GRIK1: variants seen among roughly 807,000 people sequenced by gnomAD.
GRIK1 encodes the protein glutamate receptor ionotropic, kainate 1.
In GRIK1, 69 loss-of-function variants were observed where a neutral mutation model predicts 105.7. That is an observed-to-expected ratio of 0.65 (90% CI 0.54 to 0.80). The LOEUF (loss-of-function observed/expected upper bound fraction) is 0.80. GRIK1 is among the 30% of genes least tolerant of loss of function. The pLI is 0.00. For missense variants in GRIK1, 1,109 were observed against 1,167.3 expected (o/e 0.95, Z 0.73); for synonymous variants, 438 against 431.3 (o/e 1.02, Z -0.19).
At chr21:29,911,361 G>A (rs2070809564) in intron 1 of GRIK1, among the ~76,000 whole-genome samples, 1 of 151,980 alleles carries the variant, frequency 6.6e-6, no homozygotes, top group South Asian at 2.1e-4. Context: ...AAATGGTACT[G>A]CGATGAATCA....
intron 1 of GRIK1, among the ~76,000 whole-genome samples, chr21:29,738,092 C>T (rs1353631914): frequency 1.3e-5 from 2 of 152,228 alleles, no homozygotes; most frequent in African/African-American, 2.4e-5. Flanking sequence ...TCTACAAAGG[C>T]AGGTCAGGAG....
intron 1 of GRIK1, among the ~76,000 whole-genome samples, chr21:29,810,922 A>G (rs2066993423): frequency 6.6e-6 from 1 of 152,190 alleles, no homozygotes; most frequent in Non-Finnish European, 1.5e-5. Flanking sequence ...GAATGAGAAC[A>G]TAACACACCC....
At chr21:29,819,019 A>T (rs2067228998) in intron 1 of GRIK1, among the ~76,000 whole-genome samples, 1 of 152,060 alleles carries the variant, frequency 6.6e-6, no homozygotes, top group East Asian at 1.9e-4. Context: ...GGTTCCTCCT[A>T]AAGGTAATTT....
At chr21:29,620,816 T>TAGATAGATAGATAG (rs2061980834) in intron 7 of GRIK1, among the ~76,000 whole-genome samples, 1 of 114,260 alleles carries the variant, frequency 8.8e-6, no homozygotes, top group African/African-American at 4.4e-5. Context: ...GATATATATA[T>TAGATAGATAGATAG]ATAGTAATAA....
intron 1 of GRIK1, among the ~76,000 whole-genome samples, chr21:29,806,366 T>C (rs1380199324): frequency 6.6e-6 from 1 of 152,008 alleles, no homozygotes; most frequent in African/African-American, 2.4e-5. Context: ...CTTTTTTTTT[T>C]CTCTCAATAC....
chr21:29,825,581 T>C (rs1185827299), intron 1 of GRIK1, among the ~76,000 whole-genome samples: 3 of 152,074 alleles, frequency 2.0e-5, no homozygotes, highest in Non-Finnish European at 4.4e-5. Flanking sequence ...AAAAGGGTAA[T>C]GCAGCTACAT....
intron 1 of GRIK1, among the ~76,000 whole-genome samples, chr21:29,766,403 A>G (rs1177338283): frequency 1.3e-5 from 2 of 152,098 alleles, no homozygotes; most frequent in Non-Finnish European, 2.9e-5. Context: ...TCTGCAATGC[A>G]CAGGGCAGCC....
chr21:29,667,691 C>A (rs946066693), intron 4 of GRIK1, among the ~76,000 whole-genome samples: 5 of 152,180 alleles, frequency 3.3e-5, no homozygotes, highest in Non-Finnish European at 2.9e-5. Flanking sequence ...CACCTGCTGG[C>A]CATTCTCCAG....
At chr21:29,798,964 C>T (rs990312766) in intron 1 of GRIK1, among the ~76,000 whole-genome samples, 5 of 152,064 alleles carry the variant, frequency 3.3e-5, no homozygotes, top group African/African-American at 9.7e-5. Flanking sequence ...TAAATTAATT[C>T]CATTTGTCCC....
At chr21:29,849,956 C>A (rs1166128418) in intron 1 of GRIK1, among the ~76,000 whole-genome samples, 2 of 152,130 alleles carry the variant, frequency 1.3e-5, no homozygotes, top group Non-Finnish European at 2.9e-5. Flanking sequence ...ACTGGAGATA[C>A]TCTCTCTCAC....
chr21:29,834,349 A>G (rs1296343715), intron 1 of GRIK1, among the ~76,000 whole-genome samples: 1 of 149,068 alleles, frequency 6.7e-6, no homozygotes, highest in Non-Finnish European at 1.5e-5. Flanking sequence ...TATGTATTAC[A>G]TATATATTAT....
chr21:29,914,310 A>G (rs2070919666), intron 1 of GRIK1, among the ~76,000 whole-genome samples: 1 of 152,068 alleles, frequency 6.6e-6, no homozygotes, highest in Admixed American at 6.6e-5. Flanking sequence ...ATTCTAGGGA[A>G]CACTATGTGA....
intron 4 of GRIK1, among the ~76,000 whole-genome samples, chr21:29,663,607 T>A (rs1350265694): frequency 2.6e-5 from 4 of 152,188 alleles, no homozygotes; most frequent in Non-Finnish European, 4.4e-5. Flanking sequence ...CTTAATGGAG[T>A]AAGAAAGGAT....
intron 7 of GRIK1, among the ~76,000 whole-genome samples, chr21:29,626,357 C>T (rs371526411): frequency 2.6e-5 from 4 of 152,178 alleles, no homozygotes; most frequent in African/African-American, 9.7e-5. Flanking sequence ...CCACTTAACG[C>T]TGTTGCATTG....
intron 1 of GRIK1, among the ~76,000 whole-genome samples, chr21:29,919,314 G>A (rs528380283): frequency 3.9e-5 from 6 of 152,130 alleles, no homozygotes; most frequent in Non-Finnish European, 8.8e-5. Context: ...TGGATCTGGA[G>A]GGGCAAACAG....
chr21:29,885,010 G>A (rs1023398709), intron 1 of GRIK1, among the ~76,000 whole-genome samples: 2 of 151,924 alleles, frequency 1.3e-5, no homozygotes, highest in African/African-American at 2.4e-5. Context: ...TTCATTATTG[G>A]AAAAATCTCC....
intron 1 of GRIK1, among the ~76,000 whole-genome samples, chr21:29,742,425 C>G (rs2064953179): frequency 6.6e-6 from 1 of 152,124 alleles, no homozygotes; most frequent in Non-Finnish European, 1.5e-5. Context: ...ATTTCCTGGA[C>G]CCAGAACAAC....
chr21:29,745,240 G>C (rs149086540), intron 1 of GRIK1, among the ~76,000 whole-genome samples: 1 of 152,122 alleles, frequency 6.6e-6, no homozygotes, highest in Non-Finnish European at 1.5e-5. Flanking sequence ...TCAGTCCAAC[G>C]ATCCTCAAGA....
chr21:29,839,488 C>T (rs1023259602), intron 1 of GRIK1, among the ~76,000 whole-genome samples: 7 of 152,046 alleles, frequency 4.6e-5, no homozygotes, highest in Non-Finnish European at 8.8e-5. Context: ...TCTAGAATTT[C>T]AATGATAATT....
Sources: allele counts gnomAD v4.1 joint callset (sites outside exome capture counted in the v4.1 genomes callset), GRCh38; gene constraint gnomAD v4.1.1; transcripts MANE v1.5; gene names NCBI Gene and HGNC (gene_info 2026-07-23, HGNC 2026-07-21).